CSMD3: variants seen among roughly 807,000 people sequenced by gnomAD.
CSMD3 encodes CUB and sushi domain-containing protein 3.
In CSMD3, 177 loss-of-function variants were observed where a neutral mutation model predicts 435.2. The ratio of observed to expected loss-of-function variants is 0.41; its 90% CI spans 0.36 to 0.46. The LOEUF (loss-of-function observed/expected upper bound fraction) is 0.46, where lower values mean the gene tolerates loss of function less well. Ranked by LOEUF, CSMD3 falls within the 20% of genes least tolerant of loss-of-function variation. The pLI is 0.34. For missense variants in CSMD3, 4,265 were observed against 4,504.6 expected, an observed-to-expected ratio of 0.95 and a Z score of 1.52; for synonymous variants, 1,656 against 1,520.5, an observed-to-expected ratio of 1.09 and a Z score of -2.07.
At chr8:112,719,444 C>T (rs1343675023) in intron 13 of CSMD3, among the ~76,000 whole-genome samples, 2 of 152,142 alleles carry the variant, frequency 1.3e-5, no homozygotes, top group African/African-American at 4.8e-5. Flanking sequence ...ATTCTGGAGG[C>T]TGAGAAGTCT....
chr8:113,262,619 C>A (rs1360606078), intron 3 of CSMD3, among the ~76,000 whole-genome samples: 1 of 152,020 alleles, frequency 6.6e-6, no homozygotes, highest in Non-Finnish European at 1.5e-5. Context: ...GAGATATATT[C>A]CTGCTCTGCT....
intron 13 of CSMD3, among the ~76,000 whole-genome samples, chr8:112,799,320 T>C (rs2078905853): frequency 6.6e-6 from 1 of 151,922 alleles, no homozygotes; most frequent in Non-Finnish European, 1.5e-5. Flanking sequence ...AAAATTCTAA[T>C]TGAAAATTAT....
At chr8:113,034,230 A>C (rs2087244283) in intron 5 of CSMD3, among the ~76,000 whole-genome samples, 1 of 151,604 alleles carries the variant, frequency 6.6e-6, no homozygotes, top group South Asian at 2.1e-4. Flanking sequence ...AACCTTAAAT[A>C]TTAGATCAAA....
At chr8:113,378,561 T>G (rs918182854) in intron 1 of CSMD3, among the ~76,000 whole-genome samples, 2 of 152,180 alleles carry the variant, frequency 1.3e-5, no homozygotes, top group African/African-American at 4.8e-5. Flanking sequence ...GATGTGTTTT[T>G]GAAATTTATA....
chr8:112,432,079 GAACT>G lies in CSMD3; in HGVS notation c.5396-23051_5396-23048del, dbSNP rs762424061. ...TACACAATCCCACTGAATCATTTGA[GAACT>G]AACAAATACCTCCTACAGGTGAAAA... On this transcript the variant is annotated intron_variant, in intron 32 of 70. Coordinates refer to ENST00000297405, the MANE Select transcript of CSMD3 (RefSeq NM_198123.2). Among the ~76,000 whole-genome samples the G allele has an allele frequency of 2.3e-3, 353 of 151,412 alleles. 1 individual carries two copies. The highest frequency in any genetic ancestry group is 3.4e-3 in the Non-Finnish European group (233 of 67,878).
intron 59 of CSMD3, among the ~76,000 whole-genome samples, chr8:112,270,348 G>A (rs971469162): frequency 5.8e-5 from 1 of 17,314 alleles, no homozygotes; most frequent in Non-Finnish European, 1.2e-4. Flanking sequence ...GGGTGAGTGT[G>A]TGTGTGTGTG....
chr8:113,387,937 G>A (rs1358683652), intron 1 of CSMD3, among the ~76,000 whole-genome samples: 1 of 151,612 alleles, frequency 6.6e-6, no homozygotes. Context: ...ACAATTGAAT[G>A]GGAAACTGGA....
chr8:112,795,531 T>G (rs1035725903), intron 13 of CSMD3, among the ~76,000 whole-genome samples: 1 of 152,190 alleles, frequency 6.6e-6, no homozygotes, highest in Admixed American at 6.6e-5. Context: ...ACAGAAATGC[T>G]AGCTCTCATC....
At chr8:113,117,650 A>G (rs918018050) in intron 4 of CSMD3, among the ~76,000 whole-genome samples, 3 of 152,238 alleles carry the variant, frequency 2.0e-5, no homozygotes, top group African/African-American at 7.2e-5. Context: ...AGCCGAAGGC[A>G]CTCAACACCA....
intron 1 of CSMD3, among the ~76,000 whole-genome samples, chr8:113,347,940 C>A (rs535196589): frequency 6.6e-6 from 1 of 151,858 alleles, no homozygotes; most frequent in Non-Finnish European, 1.5e-5. Context: ...GGAGTGAATA[C>A]CTCCAAGAAA....
At position 112,397,176 on chromosome 8, in the gene CSMD3, A is replaced by G. The variant is rs150103753; in HGVS notation, c.5810-6388T>C. ...TAAAAATATTTATAGTTAAAAATAG[A>G]AATGCAAACTATATTTTCATTTATG... On this transcript the variant is annotated intron_variant, in intron 35 of 70. Transcript: ENST00000297405. Among the ~76,000 whole-genome samples the G allele has an allele frequency of 1.0e-3, 158 of 152,340 alleles. 1 individual carries two copies. The highest frequency in any genetic ancestry group is 5.6e-4 in the Non-Finnish European group (38 of 68,032).
intron 4 of CSMD3, among the ~76,000 whole-genome samples, chr8:113,147,366 T>G (rs2091700410): frequency 6.6e-6 from 1 of 151,768 alleles, no homozygotes; most frequent in Non-Finnish European, 1.5e-5. Flanking sequence ...TTGCAAAACT[T>G]AAAACTTACT....
At chr8:112,595,209 G>C (rs1023451234) in intron 22 of CSMD3, among the ~76,000 whole-genome samples, 1 of 151,550 alleles carries the variant, frequency 6.6e-6, no homozygotes, top group African/African-American at 2.4e-5. Context: ...CGAGAACTAC[G>C]TGAAGAATGC....
intron 1 of CSMD3, among the ~76,000 whole-genome samples, chr8:113,360,726 A>G (rs942684339): frequency 2.6e-5 from 4 of 151,600 alleles, no homozygotes; most frequent in African/African-American, 9.7e-5. Context: ...GGCGCCCGCT[A>G]CCACGCCCGG....
At chr8:113,270,114 C>A (rs1246137741) in intron 3 of CSMD3, among the ~76,000 whole-genome samples, 1 of 151,796 alleles carries the variant, frequency 6.6e-6, no homozygotes, top group East Asian at 1.9e-4. Context: ...AACAAATTTA[C>A]AAGAAAAAAA....
chr8:113,392,470 C>T (rs867761688), intron 1 of CSMD3, among the ~76,000 whole-genome samples: 8 of 152,162 alleles, frequency 5.3e-5, no homozygotes, highest in African/African-American at 1.9e-4. Context: ...TTTATTTAAT[C>T]TTATCAACCA....
intron 1 of CSMD3, among the ~76,000 whole-genome samples, chr8:113,357,205 C>A (rs1192335412): frequency 6.6e-6 from 1 of 152,162 alleles, no homozygotes; most frequent in African/African-American, 2.4e-5. Flanking sequence ...TGTTTCAAAA[C>A]CTGCAATAAG....
intron 5 of CSMD3, among the ~76,000 whole-genome samples, chr8:113,049,054 C>T (rs1024282427): frequency 1.3e-5 from 2 of 152,116 alleles, no homozygotes; most frequent in African/African-American, 4.8e-5. Context: ...GCGTGGTCAA[C>T]ATAGTGAAAC....
At chr8:112,266,686 G>T (rs1228998274) in intron 59 of CSMD3, among the ~76,000 whole-genome samples, 7 of 152,056 alleles carry the variant, frequency 4.6e-5, no homozygotes, top group Admixed American at 3.3e-4. Context: ...GTTTCAGAAA[G>T]ACTTGAGACA....
Sources: gnomAD v4.1 joint callset for allele counts (sites outside exome capture counted in the v4.1 genomes callset) on GRCh38, gnomAD v4.1.1 for gene constraint, MANE v1.5 for transcripts, NCBI Gene and HGNC (gene_info 2026-07-23, HGNC 2026-07-21) for gene names.